Variants in GSE1 observed in about 807,000 individuals in gnomAD.
GSE1 encodes the protein Gse1 coiled-coil protein, also known as genetic suppressor element 1.
Under a neutral mutation model 112.6 loss-of-function variants are expected in GSE1, and 32 were observed. That is an observed-to-expected ratio of 0.28 (90% CI 0.21 to 0.38). The LOEUF is 0.38. GSE1 is among the 10% of genes least tolerant of loss of function. The probability of loss-of-function intolerance (pLI) is 1.00; values close to 1 mark genes in which losing one functional copy is unlikely to be tolerated. For synonymous variants in GSE1, 1,115 were observed against 735.6 expected (o/e 1.52, Z -8.35); for missense variants, 2,348 against 1,699.2 (o/e 1.38, Z -6.71).
At chr16:85,592,431 T>C (rs1478617086) in intron 1 of GSE1, 1 of 152,246 alleles carries the variant, frequency 6.6e-6, no homozygotes, top group Non-Finnish European at 1.5e-5. Context: ...ATTACAGGCG[T>C]GAGCCACTCT....
chr16:85,304,726 A>C (rs2045628290), intron 1 of GSE1, among the ~76,000 whole-genome samples: 1 of 152,014 alleles, frequency 6.6e-6, no homozygotes, highest in Non-Finnish European at 1.5e-5. Context: ...TAACACCTGC[A>C]GAAGATGGCA....
chr16:85,366,187 G>A lies in GSE1; in HGVS notation c.2464+8544G>A, dbSNP rs972979063. Among the ~76,000 whole-genome samples the A allele has an allele frequency of 3.3e-5, 5 of 152,394 alleles. No homozygotes were observed. In the South Asian group the frequency reaches 6.2e-4, roughly 19 times the overall value. ...GTCCTTGGTAAGCCTTGCCTGTAGC[G>A]GCTCCGCTGCCGAGTGCTTTGACAC... is the stretch of plus-strand genomic sequence containing the variant. On this transcript the variant is annotated intron_variant, in intron 2 of 2. Coordinates refer to the GSE1 transcript ENST00000637419.
chr16:85,235,906 G>A (rs1461998305), intron 1 of GSE1, among the ~76,000 whole-genome samples: 5 of 151,966 alleles, frequency 3.3e-5, no homozygotes, highest in Non-Finnish European at 5.9e-5. Flanking sequence ...CGCTGGCCGG[G>A]CGCTACCTTC....
intron 1 of GSE1, among the ~76,000 whole-genome samples, chr16:85,238,330 A>G (rs1025278221): frequency 1.8e-4 from 27 of 152,072 alleles, no homozygotes; most frequent in Non-Finnish European, 3.4e-4. Context: ...TTCTTCCAGA[A>G]CCATCGCCTC....
At chr16:85,171,831 C>G (rs2074363134) in intron 1 of GSE1, 1 of 973,078 alleles carries the variant, frequency 1.0e-6, no homozygotes, top group African/African-American at 1.8e-5. Flanking sequence ...TTCATCTCAT[C>G]TTAGACGCTT....
intron 12 of GSE1, among the ~76,000 whole-genome samples, 155 bp from the exon 13 acceptor site, chr16:85,665,821 C>T (rs1256833115): frequency 6.6e-6 from 1 of 152,202 alleles, no homozygotes; most frequent in Admixed American, 6.5e-5. Context: ...AGAGAATAGC[C>T]ATGTGCGCGG....
intron 1 of GSE1, among the ~76,000 whole-genome samples, chr16:85,297,498 T>C (rs1028469791): frequency 6.6e-6 from 1 of 152,186 alleles, no homozygotes; most frequent in Non-Finnish European, 1.5e-5. Flanking sequence ...TATTGTGTTT[T>C]TTTTGTTTTG....
chr16:85,648,006 C>T (rs569634611), intron 2 of GSE1, among the ~76,000 whole-genome samples: 29 of 151,608 alleles, frequency 1.9e-4, no homozygotes, highest in Non-Finnish European at 3.8e-4. Flanking sequence ...GGGGGCTCCC[C>T]GGGAAGACTC....
At chr16:85,618,238 A>G (rs1204307438) in intron 1 of GSE1, among the ~76,000 whole-genome samples, 2 of 151,924 alleles carry the variant, frequency 1.3e-5, no homozygotes, top group African/African-American at 2.4e-5. Flanking sequence ...GGTGACATAG[A>G]TCCTTCCACT....
At chr16:85,201,753 C>G (rs1179414598) in intron 1 of GSE1, among the ~76,000 whole-genome samples, 1 of 152,160 alleles carries the variant, frequency 6.6e-6, no homozygotes, top group Non-Finnish European at 1.5e-5. Context: ...CAGTTCCAGA[C>G]TTCACTTTTC....
intron 1 of GSE1, among the ~76,000 whole-genome samples, chr16:85,257,169 C>T (rs752052859): frequency 3.3e-5 from 5 of 152,106 alleles, no homozygotes; most frequent in African/African-American, 9.7e-5. Context: ...AGTGCAGTGG[C>T]GCGATCTCGG....
chr16:85,418,494 G>T (rs1297557281), intron 2 of GSE1, among the ~76,000 whole-genome samples: 1 of 152,168 alleles, frequency 6.6e-6, no homozygotes, highest in Non-Finnish European at 1.5e-5. Context: ...GCCTCCTCCA[G>T]GAAGCCCTCT....
At chr16:85,650,824 G>C (rs1200417826) in intron 3 of GSE1, among the ~76,000 whole-genome samples, 1 of 151,734 alleles carries the variant, frequency 6.6e-6, no homozygotes, top group Non-Finnish European at 1.5e-5. Context: ...GTGGCCATGA[G>C]TCTCCGAGGC....
rs113965735 is a variant in GSE1, at chr16:85,457,576, A to G, written c.2464+99933A>G. 2.3e-3 allele frequency among the ~76,000 whole-genome samples: 351 copies of G among 152,358 alleles called. 1 individual carries two copies. Among genetic ancestry groups the G allele is most frequent in the Middle Eastern group, 0.014 (4 of 294 alleles). ...GCTCAGGCATGCAGAGAGCAGGGCA[A>G]GGGCTGGACGGGCTCCTCCAGGGCC... On this transcript the variant is annotated intron_variant, in intron 2 of 2. Transcript: ENST00000637419.
At chr16:85,642,269 C>T (rs1333805756) in intron 2 of GSE1, among the ~76,000 whole-genome samples, 1 of 152,264 alleles carries the variant, frequency 6.6e-6, no homozygotes, top group Non-Finnish European at 1.5e-5. Context: ...CATGATCACA[C>T]TGCTGCACTC....
chr16:85,673,207 G>A lies in GSE1; in HGVS notation c.*668G>A, dbSNP rs1312218280. 2 of 152,570 alleles carry A rather than the reference G, an allele frequency of 1.3e-5. No individual in the cohort carries two copies. The highest frequency in any genetic ancestry group is 2.9e-5 in the Non-Finnish European group (2 of 68,046). 9.5% of individuals were successfully genotyped at this position (152,570 alleles called of 1,614,324 possible). On this transcript the variant is annotated 3_prime_UTR_variant, in exon 16 of 16. Transcript: ENST00000253458. The stretch of plus-strand genomic sequence containing the variant: ...CTTTTTATTACTCCGTGGGGAGCAT[G>A]TACAGAGCTCTGTGTATACACAGCT...
intron 2 of GSE1, among the ~76,000 whole-genome samples, chr16:85,449,096 C>G (rs1032267393): frequency 7.9e-5 from 12 of 152,344 alleles, no homozygotes; most frequent in Admixed American, 2.0e-4. Flanking sequence ...GGAGCAGCCC[C>G]TGGGGCCAGT....
chr16:85,605,292 G>A (rs1442726431), intron 1 of GSE1, among the ~76,000 whole-genome samples: 1 of 151,926 alleles, frequency 6.6e-6, no homozygotes, highest in Non-Finnish European at 1.5e-5. Context: ...CTCTCCTAAT[G>A]TCGGAGGAGA....
intron 2 of GSE1, among the ~76,000 whole-genome samples, chr16:85,467,099 C>T (rs768367558): frequency 6.6e-6 from 1 of 152,176 alleles, no homozygotes; most frequent in African/African-American, 2.4e-5. Flanking sequence ...GCAGGGTAGG[C>T]GGTAGATGGC....
Sources: gnomAD v4.1 joint callset for allele counts (sites outside exome capture counted in the v4.1 genomes callset) on GRCh38, gnomAD v4.1.1 for gene constraint, MANE v1.5 for transcripts, NCBI Gene and HGNC (gene_info 2026-07-23, HGNC 2026-07-21) for gene names.